Variants in MAN1C1 observed in about 807,000 individuals in gnomAD.
MAN1C1 encodes the protein mannosyl-oligosaccharide 1,2-alpha-mannosidase IC.
MAN1C1 carries 49 observed loss-of-function variants against 71.5 expected under a neutral mutation model. That is an observed-to-expected ratio of 0.69 (90% CI 0.54 to 0.87). MAN1C1 has a LOEUF of 0.87. Ranked by LOEUF, MAN1C1 falls within the 40% of genes least tolerant of loss-of-function variation. MAN1C1 has a pLI of 0.00. For synonymous variants in MAN1C1, 352 were observed against 343.7 expected (o/e 1.02, Z -0.27); for missense variants, 743 against 835.0 (o/e 0.89, Z 1.36).
intron 2 of MAN1C1, among the ~76,000 whole-genome samples, chr1:25,726,060 G>A (rs2046827042): frequency 6.6e-6 from 1 of 152,238 alleles, no homozygotes; most frequent in African/African-American, 2.4e-5. Context: ...TATGATGGGG[G>A]ACTCTCTTAA....
intron 6 of MAN1C1, 174 bp downstream of exon 6, chr1:25,758,883 C>T (rs2047324966): frequency 1.6e-6 from 1 of 621,998 alleles, no homozygotes; most frequent in Admixed American, 2.7e-5. Context: ...TACCCCAACG[C>T]CAGGTGGCAG....
chr1:25,644,516 A>ATTTT lies in MAN1C1; in HGVS notation c.540+26180_540+26181insTTTT, dbSNP rs1298415349. On this transcript the variant is annotated intron_variant, in intron 1 of 11. Coordinates refer to ENST00000374332, the MANE Select transcript of MAN1C1 (RefSeq NM_020379.4). ...CAGAGACATATATATATATATATAT[A>ATTTT]TATTTTTTTTTTTTTTTTTTTTTTT... The ATTTT allele has an allele frequency of 2.5e-3, 181 of 72,280 alleles. 4 individuals are homozygous for ATTTT. The highest frequency in any genetic ancestry group is 0.015 in the East Asian group (28 of 1,820). 4.5% of individuals were successfully genotyped at this position (72,280 alleles called of 1,614,324 possible).
At chr1:25,722,606 C>T (rs1311962153) in intron 2 of MAN1C1, among the ~76,000 whole-genome samples, 1 of 152,178 alleles carries the variant, frequency 6.6e-6, no homozygotes, top group African/African-American at 2.4e-5. Flanking sequence ...CTGTTCTTGT[C>T]TCACAGACGC....
intron 1 of MAN1C1, among the ~76,000 whole-genome samples, chr1:25,630,631 A>G (rs533904357): frequency 6.6e-6 from 1 of 152,244 alleles, no homozygotes; most frequent in South Asian, 2.1e-4. Flanking sequence ...TTAGTTAAGT[A>G]TATTCCTAAG....
chr1:25,775,901 T>G lies in MAN1C1; in HGVS notation c.1258-2204T>G, dbSNP rs756937888. On this transcript the variant is annotated intron_variant, in intron 8 of 11. Coordinates refer to ENST00000374332, the MANE Select transcript of MAN1C1 (RefSeq NM_020379.4). The surrounding 1 kb of genome is among the most constrained non-coding windows in gnomAD (Gnocchi z 5.1). ...TCTTGGGTTTTTTGTTTGTTTGTTT[T>G]TTTATGACAGAGTCTCACTCTATTG... The G allele has an allele frequency of 2.0e-5, 3 of 152,656 alleles. No individual in the cohort carries two copies. Among genetic ancestry groups the G allele is most frequent in the South Asian group, 2.1e-4 (1 of 4,826 alleles). 9.5% of individuals were successfully genotyped at this position (152,656 alleles called of 1,614,324 possible).
intron 1 of MAN1C1, among the ~76,000 whole-genome samples, chr1:25,683,037 CAA>C (rs1181300274): frequency 3.0e-4 from 29 of 98,064 alleles, no homozygotes; most frequent in Non-Finnish European, 3.0e-4. Context: ...GACTCCATCT[CAA>C]AAAAAAAAAA....
At chr1:25,771,427 C>T (rs966255459) in intron 7 of MAN1C1, among the ~76,000 whole-genome samples, 4 of 152,234 alleles carry the variant, frequency 2.6e-5, no homozygotes, top group South Asian at 4.1e-4. Context: ...CGGATGAGCC[C>T]GTGCACTTTT....
intron 1 of MAN1C1, among the ~76,000 whole-genome samples, chr1:25,626,957 T>G (rs1443066724): frequency 2.0e-5 from 3 of 152,214 alleles, no homozygotes; most frequent in Non-Finnish European, 4.4e-5. Flanking sequence ...AAAAAAACTT[T>G]GCCTACCCCA....
Position 25,781,266 on chromosome 1 carries a change from T to A in MAN1C1, c.1650+154T>A. ...GAGTGCAAAGGGTCAAGGTGGTGGT[T>A]ACAGAGCCAAGAGTCCCCAGCTGGG... On this transcript the variant is annotated intron_variant, in intron 10 of 11. Coordinates refer to ENST00000374332, the MANE Select transcript of MAN1C1 (RefSeq NM_020379.4). 3.7e-6 allele frequency: 3 copies of A among 802,776 alleles called. No individual in the cohort carries two copies. In the South Asian group the frequency reaches 5.4e-5, roughly 15 times the overall value. 49.7% of individuals were successfully genotyped at this position (802,776 alleles called of 1,614,324 possible). A position where few individuals can be genotyped will look rare whatever the true frequency, so the allele number is the denominator to read the frequency against.
chr1:25,668,952 C>T (rs1188200800), intron 1 of MAN1C1, among the ~76,000 whole-genome samples: 1 of 152,192 alleles, frequency 6.6e-6, no homozygotes, highest in Non-Finnish European at 1.5e-5. Context: ...CGACAGAAAT[C>T]TCAGCTAGGC....
intron 8 of MAN1C1, 99 bp downstream of exon 8, chr1:25,771,871 C>A: frequency 2.3e-6 from 2 of 853,820 alleles, no homozygotes; most frequent in Non-Finnish European, 3.9e-6. Context: ...CCAGATGGGC[C>A]GAGACTTGCT....
chr1:25,767,149 C>T (rs564288718), intron 7 of MAN1C1, among the ~76,000 whole-genome samples: 2 of 149,968 alleles, frequency 1.3e-5, no homozygotes, highest in African/African-American at 5.0e-5. Flanking sequence ...AGACCACACT[C>T]GTACACACAC....
At chr1:25,713,248 G>T (rs2046637664) in intron 2 of MAN1C1, among the ~76,000 whole-genome samples, 1 of 152,020 alleles carries the variant, frequency 6.6e-6, no homozygotes, top group African/African-American at 2.4e-5. Flanking sequence ...GGTGGGGGTG[G>T]GGAACAAGGA....
At chr1:25,653,704 G>A (rs903773495) in intron 1 of MAN1C1, among the ~76,000 whole-genome samples, 1 of 152,206 alleles carries the variant, frequency 6.6e-6, no homozygotes, top group African/African-American at 2.4e-5. Context: ...CTCCCCACAA[G>A]TCTGGCTTCT....
chr1:25,775,242 T>C lies in MAN1C1; in HGVS notation c.1258-2863T>C, dbSNP rs898983937. ...TGACGCCGAGCAGCTGCCAGGGACA[T>C]GGCTCTGCCCGGGAGCCAGGCCGGG... On this transcript the variant is annotated intron_variant, in intron 8 of 11. Coordinates refer to ENST00000374332, the MANE Select transcript of MAN1C1 (RefSeq NM_020379.4). The surrounding 1 kb of genome is among the most constrained non-coding windows in gnomAD (Gnocchi z 5.1). 5.9e-5 allele frequency among the ~76,000 whole-genome samples: 9 copies of C among 152,210 alleles called. No homozygotes were observed. The highest frequency in any genetic ancestry group is 1.7e-4 in the African/African-American group (7 of 41,456).
intron 2 of MAN1C1, among the ~76,000 whole-genome samples, chr1:25,738,986 A>AC (rs975382829): frequency 1.3e-5 from 2 of 151,688 alleles, no homozygotes; most frequent in African/African-American, 2.4e-5. Context: ...ACATAGTGAG[A>AC]CCCCCATCTC....
chr1:25,666,637 G>A (rs1055730283), intron 1 of MAN1C1, among the ~76,000 whole-genome samples: 2 of 152,218 alleles, frequency 1.3e-5, no homozygotes, highest in Non-Finnish European at 2.9e-5. Context: ...ACTGGCAGCT[G>A]AGCCGACATC....
intron 1 of MAN1C1, among the ~76,000 whole-genome samples, chr1:25,651,199 A>G (rs989485606): frequency 2.6e-5 from 4 of 152,214 alleles, no homozygotes; most frequent in Admixed American, 6.5e-5. Flanking sequence ...CCTCTGCCAC[A>G]CTTTCTTCTG....
At chr1:25,657,834 C>T (rs2045789687) in intron 1 of MAN1C1, among the ~76,000 whole-genome samples, 1 of 152,194 alleles carries the variant, frequency 6.6e-6, no homozygotes, top group Non-Finnish European at 1.5e-5. Context: ...ATGAAAACAC[C>T]CATGTAACTC....
Sources: gnomAD v4.1 joint callset for allele counts (sites outside exome capture counted in the v4.1 genomes callset) on GRCh38, gnomAD v4.1.1 for gene constraint, Gnocchi (gnomAD v3.1) non-coding constraint, MANE v1.5 for transcripts, NCBI Gene and HGNC (gene_info 2026-07-23, HGNC 2026-07-21) for gene names.